Variants in DNAJC21 observed in about 807,000 individuals in gnomAD.
The protein encoded by DNAJC21 is dnaJ homolog subfamily C member 21.
In DNAJC21, 63 loss-of-function variants were observed where a neutral mutation model predicts 72.4. The ratio of observed to expected loss-of-function variants is 0.87; its 90% CI spans 0.71 to 1.07. DNAJC21 has a LOEUF of 1.07. Among genes scored for constraint, DNAJC21 ranks in the 50% least tolerant of loss-of-function variants. DNAJC21 has a pLI of 0.00. For missense variants in DNAJC21, 634 were observed against 644.8 expected, an observed-to-expected ratio of 0.98 and a Z score of 0.18; for synonymous variants, 203 against 216.7, an observed-to-expected ratio of 0.94 and a Z score of 0.56.
chr5:34,953,683 G>C (rs2112106738), intron 10 of DNAJC21: 1 of 389,474 alleles, frequency 2.6e-6, no homozygotes, highest in South Asian at 4.5e-5. Flanking sequence ...TTTTAACTTT[G>C]TTTCAACTGT....
chr5:34,937,549 G>A lies in DNAJC21; in HGVS notation c.662G>A (p.Arg221Gln), dbSNP rs140595082. ...RKRDKRVQAH[R>Q]KLVEEQNAEK... ...AGAGATAAAAGAGTGCAGGCGCATC[G>A]AAAACTTGTGGAAGAACAGAATGCA... The change falls in exon 5 of 12, where the codon CGA becomes CAA. Residue 221 changes from arginine (R) to glutamine (Q), a missense_variant. Coordinates refer to ENST00000648817, the MANE Select transcript of DNAJC21 (RefSeq NM_001012339.3). 1.3e-4 allele frequency: 202 copies of A among 1,613,860 alleles called. No homozygotes were observed. Among genetic ancestry groups the A allele is most frequent in the Non-Finnish European group, 1.6e-4 (187 of 1,179,894 alleles).
Position 34,929,747 on chromosome 5 carries a change from C to A in DNAJC21, c.-73C>A. 2 of 777,870 alleles carry A rather than the reference C, an allele frequency of 2.6e-6. No homozygotes were observed. The highest frequency in any genetic ancestry group is 3.8e-5 in the African/African-American group (2 of 52,532). The allele number at this position is 777,870 out of a possible 1,614,324, so 48.2% of individuals were successfully genotyped here. ...GAGAGGACTGCCAGCGCCGCCGCCGCCGCCGCTTCGGCCCGGGCCCGGGCC... is the reference window on the plus strand; with the variant it reads ...GAGAGGACTGCCAGCGCCGCCGCCGACGCCGCTTCGGCCCGGGCCCGGGCC... On this transcript the variant is annotated 5_prime_UTR_variant, in exon 1 of 12. Coordinates refer to ENST00000648817, the MANE Select transcript of DNAJC21 (RefSeq NM_001012339.3).
At chr5:34,943,573 C>G (rs1765071177) in intron 7 of DNAJC21, among the ~76,000 whole-genome samples, 1 of 152,180 alleles carries the variant, frequency 6.6e-6, no homozygotes, top group Non-Finnish European at 1.5e-5. Context: ...TCCCTTGTAA[C>G]ATGTTTAATC....
At chr5:34,937,855 G>A (rs112209905) in intron 5 of DNAJC21, among the ~76,000 whole-genome samples, 20,288 of 152,124 alleles carry the variant, frequency 0.13, 1,527 homozygotes, top group South Asian at 0.21. Flanking sequence ...GAGTGCAATG[G>A]TGCGATCTCG....
At chr5:34,950,837 G>T in intron 10 of DNAJC21, 1 of 985,818 alleles carries the variant, frequency 1.0e-6, no homozygotes, top group South Asian at 4.7e-5. Context: ...TGTGGACTAG[G>T]AGGAGGTCTC....
In DNAJC21 at chr5:34,929,747, CCGCCGCTTCGGCCCGGGCCCG is replaced by C; in HGVS notation, c.-72_-52del. 3.9e-6 allele frequency: 3 copies of C among 777,870 alleles called. No homozygotes were observed. Among genetic ancestry groups the C allele is most frequent in the Non-Finnish European group, 4.8e-6 (3 of 627,006 alleles). The allele number at this position is 777,870 out of a possible 1,614,324, so 48.2% of individuals were successfully genotyped here. On this transcript the variant is annotated 5_prime_UTR_variant, in exon 1 of 12. Transcript: ENST00000648817. Reference sequence around the variant, plus strand: ...GAGAGGACTGCCAGCGCCGCCGCCGCCGCCGCTTCGGCCCGGGCCCGGGCCCCGACCCCGTCCCGGGCCCCA... The same window carrying C: ...GAGAGGACTGCCAGCGCCGCCGCCGCGGCCCCGACCCCGTCCCGGGCCCCA...
chr5:34,939,805 G>A (rs1265072638), intron 6 of DNAJC21, among the ~76,000 whole-genome samples: 2 of 151,910 alleles, frequency 1.3e-5, no homozygotes, highest in East Asian at 1.9e-4. Flanking sequence ...TTTGAGAATA[G>A]CTGTATATCT....
chr5:34,947,804 C>T (rs1765224997), intron 9 of DNAJC21, among the ~76,000 whole-genome samples: 1 of 151,690 alleles, frequency 6.6e-6, no homozygotes, highest in Non-Finnish European at 1.5e-5. Context: ...GTGTCAGTAC[C>T]ACATTGTTTT....
chr5:34,952,247 A>T (rs1765397893), intron 10 of DNAJC21: 1 of 984,212 alleles, frequency 1.0e-6, no homozygotes, highest in African/African-American at 1.7e-5. Context: ...ATTATCCTAA[A>T]TTTGTTAGAC....
chr5:34,949,671 CAG>C, intron 9 of DNAJC21: 1 of 1,613,816 alleles, frequency 6.2e-7, no homozygotes, highest in Non-Finnish European at 8.5e-7. Context: ...TGCTTGAAAA[CAG>C]ACAGGTACGC....
chr5:34,929,796 G>T lies in DNAJC21; in HGVS notation c.-24G>T. The T allele has an allele frequency of 1.0e-5, 14 of 1,336,576 alleles. No homozygotes were observed. The highest frequency in any genetic ancestry group is 1.4e-5 in the Non-Finnish European group (14 of 1,023,202). The allele number at this position is 1,336,576 out of a possible 1,614,324, so 82.8% of individuals were successfully genotyped here. A position where few individuals can be genotyped will look rare whatever the true frequency, so the allele number is the denominator to read the frequency against. On this transcript the variant is annotated 5_prime_UTR_variant, in exon 1 of 12. Coordinates refer to ENST00000648817, the MANE Select transcript of DNAJC21 (RefSeq NM_001012339.3). ...CCCCGACCCCGTCCCGGGCCCCAGC[G>T]CCGGCCGCCCGCCCGGTCGGGCGAT...
intron 9 of DNAJC21, among the ~76,000 whole-genome samples, chr5:34,947,624 C>T (rs1765213126): frequency 6.9e-6 from 1 of 144,342 alleles, no homozygotes; most frequent in Admixed American, 7.0e-5. Flanking sequence ...GAGGATCCAG[C>T]TTTATCAGTG....
At position 34,941,514 on chromosome 5, in the gene DNAJC21, C is replaced by T. The variant is rs375696397; in HGVS notation, c.983+331C>T. 2.9e-4 allele frequency among the ~76,000 whole-genome samples: 44 copies of T among 150,450 alleles called. No homozygotes were observed. The East Asian group carries it at 4.3e-3, about 15-fold the overall frequency. ...CTAGGATTGCAAGCGTGAGCCACTG[C>T]ATCCAGTTAAAAGGAGTAAGTTTAG... On this transcript the variant is annotated intron_variant, in intron 7 of 11. Coordinates refer to ENST00000648817, the MANE Select transcript of DNAJC21 (RefSeq NM_001012339.3).
At chr5:34,937,297 A>G (rs759034265) in intron 4 of DNAJC21, 29 bp from the exon 5 acceptor site, 4 of 1,564,360 alleles carry the variant, frequency 2.6e-6, no homozygotes, top group Admixed American at 2.1e-5. Context: ...CTTAAAGCGC[A>G]GAAGTTAATC....
At chr5:34,953,115 A>G (rs1765432090) in intron 10 of DNAJC21, among the ~76,000 whole-genome samples, 1 of 151,982 alleles carries the variant, frequency 6.6e-6, no homozygotes. Context: ...GCGCCACTGC[A>G]CTCGAGCCTG....
rs774243882 is a variant in DNAJC21 at position 34,944,889 on chromosome 5, A to G, written c.1006A>G (p.Lys336Glu). The change falls in exon 8 of 12, where the codon AAG becomes GAG. Residue 336 changes from lysine to glutamate, a missense_variant. Transcript: ENST00000648817. ...EKAMKNHEKS[K>E]KHREMVALLK... is the part of the protein sequence containing the mutation. ...CAGCATGAAGAATCACGAGAAGTCA[A>G]AGAAGCATCGGGAAATGGTGGCCTT... 2 of 1,614,166 alleles carry G rather than the reference A, an allele frequency of 1.2e-6. No homozygotes were observed. Among genetic ancestry groups the G allele is most frequent in the South Asian group, 2.2e-5 (2 of 91,068 alleles).
At chr5:34,953,858 G>A in intron 10 of DNAJC21, 68 bp from the exon 11 acceptor site, 2 of 1,191,510 alleles carry the variant, frequency 1.7e-6, no homozygotes, top group South Asian at 1.6e-5. Context: ...GTTCTAGAGA[G>A]CACTCAAATA....
intron 10 of DNAJC21, 83 bp downstream of exon 10, chr5:34,950,425 C>T (rs746016425): frequency 7.3e-6 from 11 of 1,501,446 alleles, no homozygotes; most frequent in Non-Finnish European, 9.7e-6. Context: ...ATAAAATCTT[C>T]TTTCCCATGA....
At chr5:34,937,675 C>T (rs778443989) in intron 5 of DNAJC21, 45 bp downstream of exon 5, 1 of 1,564,180 alleles carries the variant, frequency 6.4e-7, no homozygotes, top group South Asian at 1.2e-5. Flanking sequence ...CGGTGGGGGT[C>T]AGAGGCAGCA....
Sources: gnomAD v4.1 joint callset for allele counts (sites outside exome capture counted in the v4.1 genomes callset) on GRCh38, gnomAD v4.1.1 for gene constraint, MANE v1.5 for transcripts, NCBI Gene and HGNC (gene_info 2026-07-23, HGNC 2026-07-21) for gene names.